Variants in BLTP1 observed in about 807,000 individuals in gnomAD.
BLTP1 encodes bridge-like lipid transfer protein family member 1.
chr4:122,180,841 T>C, the BLTP1 span, among the ~76,000 whole-genome samples: 1 of 152,248 alleles, frequency 6.6e-6, no homozygotes, highest in Non-Finnish European at 1.5e-5. Flanking sequence ...TCTATTTATG[T>C]AATTTATTTA....
At chr4:122,336,754 G>A in the BLTP1 span, 1 of 1,269,190 alleles carries the variant, frequency 7.9e-7, no homozygotes, top group Non-Finnish European at 1.0e-6. Flanking sequence ...TAGAATGAAG[G>A]GCTACAGAAG....
the BLTP1 span, chr4:122,184,943 A>G: frequency 1.0e-6 from 1 of 984,504 alleles, no homozygotes; most frequent in Non-Finnish European, 1.2e-6. Context: ...GATGCCAAAT[A>G]CTAGCCCATT....
the BLTP1 span, chr4:122,224,476 G>C: frequency 6.2e-7 from 1 of 1,600,844 alleles, no homozygotes; most frequent in Non-Finnish European, 8.5e-7. Flanking sequence ...ACATTTTACA[G>C]TCTCATCATT....
chr4:122,262,317 T>A, the BLTP1 span, among the ~76,000 whole-genome samples: 1 of 152,134 alleles, frequency 6.6e-6, no homozygotes, highest in South Asian at 2.1e-4. Flanking sequence ...CATATGAATG[T>A]TCTCTGGCAC....
At chr4:122,267,423 T>TGGG in the BLTP1 span, among the ~76,000 whole-genome samples, 1 of 152,116 alleles carries the variant, frequency 6.6e-6, no homozygotes, top group Non-Finnish European at 1.5e-5. Context: ...GTAGCCACAT[T>TGGG]TTCTTATTAA....
the BLTP1 span, chr4:122,244,664 A>T: frequency 8.2e-6 from 8 of 980,144 alleles, no homozygotes; most frequent in Non-Finnish European, 9.7e-6. Context: ...CTTTCATGAA[A>T]ATCTTCCTTT....
chr4:122,285,407 GAC>G, the BLTP1 span, among the ~76,000 whole-genome samples: 1 of 152,142 alleles, frequency 6.6e-6, no homozygotes, highest in Non-Finnish European at 1.5e-5. Context: ...GACAGTGGTA[GAC>G]AGTCCCCACC....
chr4:122,191,260 C>A, the BLTP1 span, among the ~76,000 whole-genome samples: 1 of 151,650 alleles, frequency 6.6e-6, no homozygotes, highest in African/African-American at 2.4e-5. Flanking sequence ...TTGCAAGCTG[C>A]ACTAATTGCA....
the BLTP1 span, among the ~76,000 whole-genome samples, chr4:122,317,274 G>A: frequency 6.9e-3 from 1,054 of 151,956 alleles, 12 homozygotes; most frequent in African/African-American, 0.025. Flanking sequence ...GGAGGTTGCA[G>A]TGAGCCAAGA....
chr4:122,229,178 C>T, the BLTP1 span: 4 of 1,610,678 alleles, frequency 2.5e-6, no homozygotes, highest in Non-Finnish European at 3.4e-6. Context: ...TACTATGATT[C>T]GTTTAGCAGT....
At chr4:122,258,676 CACTT>C in the BLTP1 span, 1 of 1,600,718 alleles carries the variant, frequency 6.2e-7, no homozygotes, top group Non-Finnish European at 8.5e-7. Context: ...ATCTATTGCT[CACTT>C]ATTCTTTTGA....
chr4:122,154,607 C>T, the BLTP1 span, among the ~76,000 whole-genome samples: 2 of 152,196 alleles, frequency 1.3e-5, no homozygotes, highest in African/African-American at 4.8e-5. Flanking sequence ...GGCGCGGTGG[C>T]TCACGCCTGT....
the BLTP1 span, chr4:122,154,238 C>T: frequency 4.3e-4 from 362 of 845,412 alleles, 3 homozygotes; most frequent in African/African-American, 7.7e-3. Flanking sequence ...TGCAGTGGTG[C>T]GATCTTGGCT....
the BLTP1 span, chr4:122,286,662 C>T: frequency 2.5e-6 from 4 of 1,613,984 alleles, no homozygotes; most frequent in South Asian, 3.3e-5. Context: ...CCCCTGTTAC[C>T]ATGTCAGGGA....
At chr4:122,352,773 T>C in the BLTP1 span, 1 of 1,098,770 alleles carries the variant, frequency 9.1e-7, no homozygotes, top group African/African-American at 1.6e-5. Context: ...GCTTAATGTT[T>C]AACAGGCACT....
At chr4:122,281,778 A>G in the BLTP1 span, 1 of 1,521,928 alleles carries the variant, frequency 6.6e-7, no homozygotes. Context: ...ATGACAGGTA[A>G]TATTGAATTC....
At chr4:122,229,184 G>A in the BLTP1 span, 4 of 1,611,590 alleles carry the variant, frequency 2.5e-6, no homozygotes, top group East Asian at 6.7e-5. Flanking sequence ...GATTCGTTTA[G>A]CAGTAGATGG....
the BLTP1 span, chr4:122,202,626 A>G: frequency 1.8e-6 from 1 of 564,706 alleles, no homozygotes. Flanking sequence ...CCTATCATCA[A>G]GTATTTACTC....
the BLTP1 span, among the ~76,000 whole-genome samples, chr4:122,243,636 C>T: frequency 6.6e-6 from 1 of 152,026 alleles, no homozygotes; most frequent in African/African-American, 2.4e-5. Context: ...GTAATCCCAG[C>T]TACTTGGGAG....
Sources: gnomAD v4.1 joint callset for allele counts (sites outside exome capture counted in the v4.1 genomes callset) on GRCh38, gnomAD v4.1.1 for gene constraint, MANE v1.5 for transcripts, NCBI Gene and HGNC (gene_info 2026-07-23, HGNC 2026-07-21) for gene names.